GALNT13: variants seen among roughly 807,000 people sequenced by gnomAD.
The protein encoded by GALNT13 is UDP-GalNAc:polypeptide N-acetylgalactosaminyltransferase 13.
Under a neutral mutation model 64.2 loss-of-function variants are expected in GALNT13, and 28 were observed. The observed-to-expected ratio is 0.44, with a 90% CI of 0.32 to 0.60. The LOEUF (loss-of-function observed/expected upper bound fraction) is 0.60, where lower values mean the gene tolerates loss of function less well. Ranked by LOEUF, GALNT13 falls within the 20% of genes least tolerant of loss-of-function variation. The pLI is 0.05. For synonymous variants in GALNT13, 214 were observed against 224.6 expected, an observed-to-expected ratio of 0.95 and a Z score of 0.42; for missense variants, 577 against 669.8, an observed-to-expected ratio of 0.86 and a Z score of 1.53.
At chr2:154,231,900 T>C (rs1437155053) in intron 4 of GALNT13, among the ~76,000 whole-genome samples, 1 of 151,882 alleles carries the variant, frequency 6.6e-6, no homozygotes, top group Non-Finnish European at 1.5e-5. Context: ...AAAAGCACCA[T>C]GTAATAAATT....
the GALNT13 span, among the ~76,000 whole-genome samples, chr2:153,656,260 C>T: frequency 5.3e-5 from 8 of 151,676 alleles, no homozygotes; most frequent in Non-Finnish European, 1.2e-4. Flanking sequence ...TGGTGATTAT[C>T]CCAGTGCATT....
chr2:153,921,344 T>G (rs78983425), intron 2 of GALNT13, among the ~76,000 whole-genome samples: 239 of 152,200 alleles, frequency 1.6e-3, no homozygotes, highest in African/African-American at 5.5e-3. Context: ...GATACTACTA[T>G]AGTAAGTAAA....
At chr2:153,439,689 G>A in the GALNT13 span, among the ~76,000 whole-genome samples, 1 of 152,196 alleles carries the variant, frequency 6.6e-6, no homozygotes, top group Admixed American at 6.5e-5. Flanking sequence ...TAGGGTGGGA[G>A]TGACCCAATT....
chr2:154,256,523 T>G (rs1690384176), intron 7 of GALNT13, among the ~76,000 whole-genome samples: 1 of 152,122 alleles, frequency 6.6e-6, no homozygotes, highest in South Asian at 2.1e-4. Flanking sequence ...AGTCAGCATC[T>G]TGGATATGAG....
the GALNT13 span, among the ~76,000 whole-genome samples, chr2:153,332,133 GT>G: frequency 6.6e-6 from 1 of 151,872 alleles, no homozygotes; most frequent in African/African-American, 2.4e-5. Context: ...TTAATTTTTT[GT>G]TGCGTTGATT....
the GALNT13 span, among the ~76,000 whole-genome samples, chr2:153,400,478 TG>T: frequency 2.0e-5 from 3 of 152,216 alleles, no homozygotes; most frequent in Non-Finnish European, 4.4e-5. Flanking sequence ...TTCTGTTGAT[TG>T]GAAGAGTTTC....
the GALNT13 span, among the ~76,000 whole-genome samples, chr2:153,702,752 A>G: frequency 5.9e-5 from 9 of 152,286 alleles, no homozygotes; most frequent in East Asian, 1.7e-3. Flanking sequence ...TAGACATGCT[A>G]ATTTTGAGAT....
intron 2 of GALNT13, among the ~76,000 whole-genome samples, chr2:153,931,665 A>T (rs375455021): frequency 6.6e-6 from 1 of 152,128 alleles, no homozygotes; most frequent in Non-Finnish European, 1.5e-5. Flanking sequence ...TGATTCACGT[A>T]TGTTGAACCA....
the GALNT13 span, among the ~76,000 whole-genome samples, chr2:153,800,497 G>T: frequency 5.9e-5 from 9 of 152,104 alleles, no homozygotes; most frequent in African/African-American, 1.9e-4. Flanking sequence ...TTTCATGAAA[G>T]ATTTCTCTGT....
the GALNT13 span, among the ~76,000 whole-genome samples, chr2:153,524,050 A>G: frequency 6.6e-6 from 1 of 152,040 alleles, no homozygotes; most frequent in African/African-American, 2.4e-5. Flanking sequence ...GCATCTATTG[A>G]TAGATTCATG....
At chr2:153,595,032 T>C in the GALNT13 span, among the ~76,000 whole-genome samples, 1 of 152,004 alleles carries the variant, frequency 6.6e-6, no homozygotes, top group Non-Finnish European at 1.5e-5. Context: ...AAAATAAATC[T>C]TGGATCCATA....
At chr2:154,133,742 T>C (rs1475521508) in intron 3 of GALNT13, among the ~76,000 whole-genome samples, 1 of 151,616 alleles carries the variant, frequency 6.6e-6, no homozygotes, top group Non-Finnish European at 1.5e-5. Context: ...TGAGCCAAAA[T>C]TGATGCACAA....
the GALNT13 span, chr2:153,478,463 C>T: frequency 6.2e-7 from 1 of 1,613,670 alleles, no homozygotes; most frequent in East Asian, 2.2e-5. Flanking sequence ...TCGGTCACCA[C>T]GGACGCCTGG....
chr2:153,558,923 A>G, the GALNT13 span, among the ~76,000 whole-genome samples: 1 of 152,216 alleles, frequency 6.6e-6, no homozygotes, highest in African/African-American at 2.4e-5. Flanking sequence ...ATAATGGTCA[A>G]TTGCAAAAAT....
the GALNT13 span, among the ~76,000 whole-genome samples, chr2:153,249,821 C>G: frequency 6.6e-6 from 1 of 152,106 alleles, no homozygotes; most frequent in African/African-American, 2.4e-5. Flanking sequence ...ACTGGCTAGC[C>G]ATACGCAGAA....
chr2:154,111,728 A>G (rs956132529), intron 3 of GALNT13, among the ~76,000 whole-genome samples: 1 of 152,126 alleles, frequency 6.6e-6, no homozygotes, highest in Admixed American at 6.5e-5. Flanking sequence ...AGCACCATAT[A>G]TTGGACGCTG....
the GALNT13 span, among the ~76,000 whole-genome samples, chr2:153,385,524 C>T: frequency 6.6e-6 from 1 of 151,948 alleles, no homozygotes; most frequent in African/African-American, 2.4e-5. Context: ...AGAAGGATGT[C>T]TACCAGGGGC....
chr2:153,757,942 C>T, the GALNT13 span, among the ~76,000 whole-genome samples: 9 of 152,122 alleles, frequency 5.9e-5, no homozygotes, highest in African/African-American at 2.2e-4. Flanking sequence ...GCTGCATCTT[C>T]ATTCTGTTAA....
chr2:153,106,794 C>A, the GALNT13 span, among the ~76,000 whole-genome samples: 5 of 152,094 alleles, frequency 3.3e-5, no homozygotes, highest in Non-Finnish European at 5.9e-5. Context: ...AATTAGTGCT[C>A]ACCTACTATT....
Sources: gnomAD v4.1 joint callset for allele counts (sites outside exome capture counted in the v4.1 genomes callset) on GRCh38, gnomAD v4.1.1 for gene constraint, MANE v1.5 for transcripts, NCBI Gene and HGNC (gene_info 2026-07-23, HGNC 2026-07-21) for gene names.